The following GPHN variants were observed in gnomAD, a reference collection of about 807,000 sequenced individuals.
GPHN encodes gephyrin.
Under a neutral mutation model 95.5 loss-of-function variants are expected in GPHN, and 17 were observed. The observed-to-expected ratio is 0.18, with a 90% CI of 0.12 to 0.27. GPHN has a LOEUF of 0.27. Ranked by LOEUF, GPHN falls within the 10% of genes least tolerant of loss-of-function variation. The probability of loss-of-function intolerance (pLI) is 1.00; values close to 1 mark genes in which losing one functional copy is unlikely to be tolerated. For synonymous variants in GPHN, 320 were observed against 322.5 expected (o/e 0.99, Z 0.08); for missense variants, 660 against 978.1 (o/e 0.67, Z 4.34).
At chr14:66,692,230 G>A (rs1595570981) in intron 2 of GPHN, among the ~76,000 whole-genome samples, 1 of 152,184 alleles carries the variant, frequency 6.6e-6, no homozygotes, top group East Asian at 1.9e-4. Context: ...CCTCCTGACT[G>A]TAAAACATGC....
chr14:67,325,484 A>G, the GPHN span, among the ~76,000 whole-genome samples: 4 of 152,142 alleles, frequency 2.6e-5, no homozygotes, highest in Admixed American at 2.6e-4. Flanking sequence ...TTTGTTGTCC[A>G]TAGCACTTGG....
At chr14:67,503,048 G>A in the GPHN span, among the ~76,000 whole-genome samples, 1 of 152,124 alleles carries the variant, frequency 6.6e-6, no homozygotes, top group Non-Finnish European at 1.5e-5. Context: ...CCTTGCGTAA[G>A]TTAGCAGACA....
chr14:67,254,024 A>ACC, the GPHN span, among the ~76,000 whole-genome samples: 1 of 114,158 alleles, frequency 8.8e-6, no homozygotes. Context: ...CCTTATATTC[A>ACC]TCCCCCCCCC....
chr14:67,544,126 A>G, the GPHN span, among the ~76,000 whole-genome samples: 4 of 152,222 alleles, frequency 2.6e-5, no homozygotes, highest in Non-Finnish European at 4.4e-5. Flanking sequence ...TTTAAAAATA[A>G]AAAATGGTCA....
intron 4 of GPHN, among the ~76,000 whole-genome samples, chr14:66,874,747 A>C (rs372772820): frequency 6.6e-6 from 1 of 152,222 alleles, no homozygotes; most frequent in African/African-American, 2.4e-5. Flanking sequence ...TCCAAGAAAT[A>C]TGGGACTGTG....
chr14:66,521,981 T>C (rs1489182066), intron 1 of GPHN, among the ~76,000 whole-genome samples: 1 of 152,186 alleles, frequency 6.6e-6, no homozygotes, highest in Non-Finnish European at 1.5e-5. Context: ...TAGTTCATTA[T>C]ATCAGTCACT....
the GPHN span, among the ~76,000 whole-genome samples, chr14:67,521,334 G>C: frequency 1.3e-5 from 2 of 152,198 alleles, no homozygotes; most frequent in African/African-American, 2.4e-5. Context: ...TACTAAGGAT[G>C]CCCTTGAATA....
chr14:67,107,397 G>T (rs1211617192), intron 13 of GPHN, among the ~76,000 whole-genome samples: 1 of 152,210 alleles, frequency 6.6e-6, no homozygotes, highest in Non-Finnish European at 1.5e-5. Context: ...CTGTGGCAGA[G>T]TTGGGTGTAG....
At chr14:67,087,507 C>G (rs2076955762) in intron 11 of GPHN, among the ~76,000 whole-genome samples, 1 of 152,256 alleles carries the variant, frequency 6.6e-6, no homozygotes, top group South Asian at 2.1e-4. Flanking sequence ...GCCCAAACCT[C>G]CAGTATAGCT....
chr14:66,637,250 C>T (rs2153348772), intron 1 of GPHN, among the ~76,000 whole-genome samples: 1 of 152,210 alleles, frequency 6.6e-6, no homozygotes, highest in South Asian at 2.1e-4. Context: ...AATGATATGC[C>T]TTTGCACTTA....
chr14:66,647,906 C>T lies in GPHN; in HGVS notation c.65-33201C>T, dbSNP rs372415213. Among the ~76,000 whole-genome samples the T allele has an allele frequency of 3.6e-3, 554 of 152,284 alleles. 12 individuals are homozygous for T. The highest frequency in any genetic ancestry group is 0.013 in the African/African-American group (528 of 41,570). On this transcript the variant is annotated intron_variant, in intron 1 of 22. Transcript: ENST00000478722. ...TTAAAGATCCACTCACAAAGGCAAT[C>T]AGCTTGCAAATTCAAAGGAAGTTGC... is the stretch of plus-strand genomic sequence containing the variant.
At chr14:66,719,264 G>A (rs2070494994) in intron 2 of GPHN, among the ~76,000 whole-genome samples, 1 of 152,194 alleles carries the variant, frequency 6.6e-6, no homozygotes, top group South Asian at 2.1e-4. Context: ...TGTAATGCCA[G>A]ACAGGAATGG....
At chr14:67,525,077 T>TTC in the GPHN span, among the ~76,000 whole-genome samples, 4 of 152,160 alleles carry the variant, frequency 2.6e-5, no homozygotes, top group African/African-American at 9.7e-5. Flanking sequence ...TTTAATAGCT[T>TTC]TATTAGAAAA....
At chr14:67,473,458 C>G in the GPHN span, 1 of 1,614,138 alleles carries the variant, frequency 6.2e-7, no homozygotes, top group Non-Finnish European at 8.5e-7. The surrounding 1 kb of genome is among the most constrained non-coding windows in gnomAD (Gnocchi z 6.5). Flanking sequence ...AGGGCTAGGG[C>G]GCCGCTGGGC....
the GPHN span, among the ~76,000 whole-genome samples, chr14:67,577,757 CTGTTTT>C: frequency 3.3e-5 from 5 of 151,998 alleles, no homozygotes; most frequent in Non-Finnish European, 4.4e-5. Context: ...TTTGAGTTTT[CTGTTTT>C]TGTTTTTGTT....
chr14:66,743,162 C>A (rs1218859596), intron 2 of GPHN, among the ~76,000 whole-genome samples: 1 of 150,056 alleles, frequency 6.7e-6, no homozygotes, highest in Admixed American at 6.7e-5. Flanking sequence ...ATCTGAGGGA[C>A]CTGATTCCCT....
rs1044475734 is a variant in GPHN at position 67,054,414 on chromosome 14, A to G, written c.1007-4235A>G. Among the ~76,000 whole-genome samples, 60 of 152,328 alleles carry G rather than the reference A, an allele frequency of 3.9e-4. 1 individual carries two copies. Among genetic ancestry groups the G allele is most frequent in the African/African-American group, 1.4e-3 (59 of 41,570 alleles). On this transcript the variant is annotated intron_variant, in intron 10 of 22. Transcript: ENST00000478722. ...ACAAGGGAAGTGAAGGACCTCTTCA[A>G]GGAGAACTACAAACTGCTGCTCAAG...
intron 2 of GPHN, chr14:66,760,960 T>C: frequency 1.5e-6 from 1 of 675,840 alleles, no homozygotes; most frequent in South Asian, 1.3e-5. Flanking sequence ...GGGAAGCAGT[T>C]GGAAGAGAAA....
chr14:67,502,348 G>GA, the GPHN span, among the ~76,000 whole-genome samples: 2,465 of 138,328 alleles, frequency 0.018, 50 homozygotes, highest in African/African-American at 0.06. Context: ...AGAAAAGAAA[G>GA]AAAAAAAAAG....
Sources: gnomAD v4.1 joint callset for allele counts (sites outside exome capture counted in the v4.1 genomes callset) on GRCh38, gnomAD v4.1.1 for gene constraint, Gnocchi (gnomAD v3.1) non-coding constraint, MANE v1.5 for transcripts, NCBI Gene and HGNC (gene_info 2026-07-23, HGNC 2026-07-21) for gene names.